KCNJ6: variants seen among roughly 807,000 people sequenced by gnomAD.
KCNJ6 encodes the protein potassium inwardly rectifying channel subfamily J member 6.
A neutral mutation model predicts 34.2 loss-of-function variants in KCNJ6; 9 were observed. The observed-to-expected ratio is 0.26, with a 90% CI of 0.16 to 0.46. The LOEUF (loss-of-function observed/expected upper bound fraction) is 0.46. Among genes scored for constraint, KCNJ6 ranks in the 20% least tolerant of loss-of-function variants. KCNJ6 has a pLI of 1.00. For synonymous variants in KCNJ6, 196 were observed against 207.1 expected (o/e 0.95, Z 0.46); for missense variants, 236 against 531.3 (o/e 0.44, Z 5.46).
intron 2 of KCNJ6, among the ~76,000 whole-genome samples, chr21:37,732,221 C>G (rs1172141876): frequency 6.6e-6 from 1 of 152,118 alleles, no homozygotes; most frequent in Non-Finnish European, 1.5e-5. Context: ...AAGATGGGCC[C>G]CTCCCTGTCT....
At chr21:37,841,234 C>T (rs1275204744) in intron 1 of KCNJ6, among the ~76,000 whole-genome samples, 3 of 152,076 alleles carry the variant, frequency 2.0e-5, no homozygotes, top group East Asian at 1.9e-4. Flanking sequence ...GGGCTAAAAA[C>T]ATTTTGTTTT....
rs1367268531 is a variant in KCNJ6, at chr21:37,618,176, T to A, written c.*6983A>T. The A allele has an allele frequency of 6.6e-6, 1 of 152,270 alleles. No homozygotes were observed. The highest frequency in any genetic ancestry group is 1.5e-5 in the Non-Finnish European group (1 of 68,076). The allele number at this position is 152,270 out of a possible 1,614,324, so 9.4% of individuals were successfully genotyped here. A position where few individuals can be genotyped will look rare whatever the true frequency, so the allele number is the denominator to read the frequency against. ...GATCTGAGGACAGTGCTCCTTCCCC[T>A]CTTCTAAGAAGACTGGCTGAAGACC... On this transcript the variant is annotated 3_prime_UTR_variant, in exon 4 of 4. Coordinates refer to ENST00000609713, the MANE Select transcript of KCNJ6 (RefSeq NM_002240.5).
intron 2 of KCNJ6, among the ~76,000 whole-genome samples, chr21:37,728,115 T>C (rs1217876530): frequency 6.6e-6 from 1 of 152,236 alleles, no homozygotes; most frequent in Non-Finnish European, 1.5e-5. Flanking sequence ...TGGAGTATTA[T>C]TCAGCCTTGA....
intron 3 of KCNJ6, among the ~76,000 whole-genome samples, chr21:37,637,521 G>A (rs2054363242): frequency 1.3e-5 from 2 of 152,176 alleles, no homozygotes; most frequent in South Asian, 4.2e-4. Context: ...AGTGTTTACT[G>A]TGTGCTGGGC....
intron 2 of KCNJ6, among the ~76,000 whole-genome samples, chr21:37,750,770 C>G (rs2054991448): frequency 2.6e-5 from 4 of 152,116 alleles, no homozygotes; most frequent in Non-Finnish European, 5.9e-5. Flanking sequence ...AGGAGAAATA[C>G]CTAATGTAGA....
chr21:37,850,282 T>C (rs565690116), intron 1 of KCNJ6, among the ~76,000 whole-genome samples: 1 of 152,106 alleles, frequency 6.6e-6, no homozygotes, highest in East Asian at 1.9e-4. Context: ...CTCTGACATA[T>C]AAGGGATACT....
chr21:37,824,094 G>C (rs1429261872), intron 2 of KCNJ6, among the ~76,000 whole-genome samples: 4 of 152,128 alleles, frequency 2.6e-5, no homozygotes, highest in African/African-American at 4.8e-5. Flanking sequence ...TATCTCCATG[G>C]AGGTGGGGGG....
chr21:37,840,552 CA>C, intron 2 of KCNJ6, 105 bp downstream of exon 2: 2 of 742,040 alleles, frequency 2.7e-6, no homozygotes, highest in Non-Finnish European at 4.7e-6. Flanking sequence ...CCCGTAAGAG[CA>C]AAAGAGAAGG....
At chr21:37,762,200 T>C (rs567406585) in intron 2 of KCNJ6, among the ~76,000 whole-genome samples, 2 of 152,316 alleles carry the variant, frequency 1.3e-5, no homozygotes, top group East Asian at 3.9e-4. Flanking sequence ...CAGGCCCATC[T>C]GAACCCACTC....
intron 2 of KCNJ6, among the ~76,000 whole-genome samples, chr21:37,755,441 G>C (rs1285256776): frequency 1.3e-5 from 2 of 152,154 alleles, no homozygotes; most frequent in Non-Finnish European, 2.9e-5. Context: ...TGTTACCTGA[G>C]AGTGTTTCAT....
rs79446162 is a variant in KCNJ6, at chr21:37,873,078, G to T, written c.-27-32369C>A. Among the ~76,000 whole-genome samples the T allele has an allele frequency of 4.0e-3, 616 of 152,212 alleles. 6 individuals are homozygous for T. The highest frequency in any genetic ancestry group is 0.014 in the African/African-American group (561 of 41,528). Reference sequence around the variant, plus strand: ...GCAACGTTGAGAACAGACTAATAATGTCAAGGCCCTTGACAAAGCCTAGCT... The same window carrying T: ...GCAACGTTGAGAACAGACTAATAATTTCAAGGCCCTTGACAAAGCCTAGCT... On this transcript the variant is annotated intron_variant, in intron 1 of 3. Coordinates refer to ENST00000609713, the MANE Select transcript of KCNJ6 (RefSeq NM_002240.5).
At chr21:37,681,881 T>C (rs1263123195) in intron 3 of KCNJ6, among the ~76,000 whole-genome samples, 1 of 152,200 alleles carries the variant, frequency 6.6e-6, no homozygotes, top group African/African-American at 2.4e-5. Context: ...ATGGAGCTCC[T>C]GTGTAATTTG....
chr21:37,791,944 T>C (rs915218924), intron 2 of KCNJ6, among the ~76,000 whole-genome samples: 1 of 152,224 alleles, frequency 6.6e-6, no homozygotes, highest in Non-Finnish European at 1.5e-5. Context: ...TTCCAATTCT[T>C]CTCTTCTAGC....
intron 1 of KCNJ6, among the ~76,000 whole-genome samples, chr21:37,898,626 G>C (rs1537104): frequency 2.0e-5 from 3 of 151,896 alleles, no homozygotes; most frequent in African/African-American, 7.2e-5. Flanking sequence ...GAAAAAGTCA[G>C]TAATGTGTTA....
chr21:37,812,215 T>G (rs989333151), intron 2 of KCNJ6, among the ~76,000 whole-genome samples: 9 of 152,192 alleles, frequency 5.9e-5, no homozygotes, highest in Non-Finnish European at 1.2e-4. Flanking sequence ...GGACTCCTCT[T>G]GGCTAAAATC....
intron 2 of KCNJ6, among the ~76,000 whole-genome samples, chr21:37,824,005 G>A (rs2055386995): frequency 2.8e-3 from 1 of 360 alleles, no homozygotes; most frequent in African/African-American, 7.1e-3. Context: ...ATGCTAACTA[G>A]CTTGATTGAA....
At chr21:37,751,866 C>T (rs1452454161) in intron 2 of KCNJ6, among the ~76,000 whole-genome samples, 5 of 152,096 alleles carry the variant, frequency 3.3e-5, no homozygotes, top group African/African-American at 7.2e-5. Context: ...GGCCCTAGTA[C>T]GATGCCTGAC....
intron 3 of KCNJ6, among the ~76,000 whole-genome samples, chr21:37,646,681 T>A (rs1382607184): frequency 2.6e-5 from 1 of 38,904 alleles, no homozygotes; most frequent in Admixed American, 3.5e-4. Flanking sequence ...TATTTTTATT[T>A]TTTTTTTTGA....
intron 2 of KCNJ6, among the ~76,000 whole-genome samples, chr21:37,839,453 T>C (rs1383763722): frequency 6.6e-6 from 1 of 152,170 alleles, no homozygotes; most frequent in Non-Finnish European, 1.5e-5. Context: ...TTTCTTGGTA[T>C]GGGTGGATAT....
Sources: gnomAD v4.1 joint callset for allele counts (sites outside exome capture counted in the v4.1 genomes callset) on GRCh38, gnomAD v4.1.1 for gene constraint, MANE v1.5 for transcripts, NCBI Gene and HGNC (gene_info 2026-07-23, HGNC 2026-07-21) for gene names.